Variants in CTDSP2 observed in about 807,000 individuals in gnomAD.
The protein encoded by CTDSP2 is carboxy-terminal domain RNA polymerase II polypeptide A small phosphatase 2.
CTDSP2 carries 9 observed loss-of-function variants against 31.6 expected under a neutral mutation model. That is an observed-to-expected ratio of 0.28 (90% CI 0.17 to 0.50). The LOEUF (loss-of-function observed/expected upper bound fraction) is 0.50. Ranked by LOEUF, CTDSP2 falls within the 20% of genes least tolerant of loss-of-function variation. The probability of loss-of-function intolerance (pLI) is 0.98; values close to 1 mark genes in which losing one functional copy is unlikely to be tolerated. For missense variants in CTDSP2, 267 were observed against 348.5 expected (o/e 0.77, Z 1.86); for synonymous variants, 134 against 134.5 (o/e 1.00, Z 0.03).
rs1956161619 is a variant in CTDSP2, at chr12:57,823,527, C to T, written c.*75G>A. Reference sequence around the variant, plus strand: ...GTGGTGAGGCACTCCAGCTTCTACTCTGTCACGCTGATCGTAAAGGCACAG... The same window carrying T: ...GTGGTGAGGCACTCCAGCTTCTACTTTGTCACGCTGATCGTAAAGGCACAG... On this transcript the variant is annotated 3_prime_UTR_variant, in exon 8 of 8. Transcript: ENST00000398073. 3 of 1,555,480 alleles carry T rather than the reference C, an allele frequency of 1.9e-6. No individual in the cohort carries two copies. Among genetic ancestry groups the T allele is most frequent in the Non-Finnish European group, 2.6e-6 (3 of 1,144,484 alleles).
At chr12:57,826,532 G>A (rs897954143) in intron 4 of CTDSP2, 130 bp from the exon 5 acceptor site, 1 of 792,580 alleles carries the variant, frequency 1.3e-6, no homozygotes, top group Admixed American at 2.2e-5. Context: ...ACCTCATTAA[G>A]GGGTTCTCAC....
At chr12:57,833,845 C>T (rs1452021842) in intron 1 of CTDSP2, among the ~76,000 whole-genome samples, 2 of 152,200 alleles carry the variant, frequency 1.3e-5, no homozygotes, top group African/African-American at 4.8e-5. Context: ...CTTTCTAGGC[C>T]ACCGCCATGT....
At chr12:57,843,631 G>A (rs1257455546) in intron 1 of CTDSP2, among the ~76,000 whole-genome samples, 1 of 152,146 alleles carries the variant, frequency 6.6e-6, no homozygotes, top group Non-Finnish European at 1.5e-5. Flanking sequence ...TTAATAATAA[G>A]TACCTCACAC....
chr12:57,827,150 C>A, intron 3 of CTDSP2, 53 bp from the exon 4 acceptor site: 1 of 1,289,110 alleles, frequency 7.8e-7, no homozygotes, highest in Non-Finnish European at 1.1e-6. Context: ...CCCAATTGTA[C>A]CCCTTGGCAT....
chr12:57,831,384 TG>T (rs1339765978), intron 1 of CTDSP2, among the ~76,000 whole-genome samples: 12 of 151,014 alleles, frequency 7.9e-5, no homozygotes, highest in African/African-American at 2.9e-4. Context: ...ACCCAGGAGG[TG>T]GAAGTCGCAG....
Position 57,820,671 on chromosome 12 carries a change from T to TCCCATGTTAACTGAAGGC in CTDSP2, c.*2913_*2930dup, listed in dbSNP as rs1956139319. 6.6e-6 allele frequency: 1 copy of TCCCATGTTAACTGAAGGC among 152,542 alleles called. No individual in the cohort carries two copies. Among genetic ancestry groups the TCCCATGTTAACTGAAGGC allele is most frequent in the Non-Finnish European group, 1.5e-5 (1 of 68,030 alleles). The allele number at this position is 152,542 out of a possible 1,614,324, so 9.4% of individuals were successfully genotyped here. On this transcript the variant is annotated 3_prime_UTR_variant, in exon 8 of 8. Transcript: ENST00000398073. ...AAGCAAGAGGAAGCTAAACAGAAGG[T>TCCCATGTTAACTGAAGGC]CCCATGTTAACTGAAGGCAAATTCA...
intron 1 of CTDSP2, among the ~76,000 whole-genome samples, chr12:57,841,506 G>T (rs995271677): frequency 2.6e-5 from 4 of 152,194 alleles, no homozygotes; most frequent in African/African-American, 9.7e-5. Flanking sequence ...ACTCACAGGG[G>T]GCACATGCCT....
chr12:57,827,570 G>A lies in CTDSP2; in HGVS notation c.234C>T (p.Leu78=). Residue 78 remains leucine, a synonymous_variant, in exon 3 of 8, where the codon CTC becomes CTT. Coordinates refer to ENST00000398073, the MANE Select transcript of CTDSP2 (RefSeq NM_005730.4). ...CACGTACCTGGTAGAACTGGTACTG[G>A]AGACACTGGAGCAGATCCGACTGAG... The part of the protein sequence containing the change: ...TIAKSDLLQC[L]QYQFYQIPGT... The A allele has an allele frequency of 6.2e-7, 1 of 1,614,100 alleles. No homozygotes were observed.
rs779294412 is a variant in CTDSP2 at position 57,829,581 on chromosome 12, G to A, written c.80C>T (p.Ser27Phe). 21 of 1,614,142 alleles carry A rather than the reference G, an allele frequency of 1.3e-5. No individual in the cohort carries two copies. The highest frequency in any genetic ancestry group is 1.8e-5 in the Non-Finnish European group (21 of 1,180,000). The stretch of plus-strand genomic sequence containing the variant: ...ACGTCCACGAGGCTTCTTAGGAGAG[G>A]ACTTGGAGACCAGGCCTAGGGTGGA... ...VLTKQGLVSKSSPKKPRGRNI... is the reference protein window; with the variant it reads ...VLTKQGLVSKFSPKKPRGRNI... The change falls in exon 2 of 8, where the codon TCC becomes TTC. Residue 27 changes from serine (S) to phenylalanine (F), a missense_variant. Ser to Phe is a radical substitution (Grantham distance 155). Around this residue, in one of 2 missense-constraint regions of CTDSP2, gnomAD observed 111 missense variants for 107.1 expected, o/e 1.04. Coordinates refer to ENST00000398073, the MANE Select transcript of CTDSP2 (RefSeq NM_005730.4).
intron 1 of CTDSP2, among the ~76,000 whole-genome samples, chr12:57,843,346 TAC>T (rs1269514516): frequency 6.6e-6 from 1 of 152,216 alleles, no homozygotes; most frequent in Non-Finnish European, 1.5e-5. Context: ...TTTTTGATGT[TAC>T]ACACAATCCT....
chr12:57,823,716 C>T lies in CTDSP2; in HGVS notation c.702G>A (p.Gln234=), dbSNP rs1196332432. The T allele has an allele frequency of 6.2e-7, 1 of 1,613,916 alleles. No homozygotes were observed. The highest frequency in any genetic ancestry group is 1.3e-5 in the African/African-American group (1 of 74,930). The part of the protein sequence containing the change: ...IFHPENAVPV[Q]SWFDDMADTE... ...TGTCTGCCATGTCATCAAACCAGGA[C>T]TGCACAGGCACCTGGTGGGGGGAAG... The change falls in exon 8 of 8, where the codon CAG becomes CAA. Residue 234 remains glutamine, a synonymous_variant. Transcript: ENST00000398073.
chr12:57,825,733 C>T (rs1256373315), intron 5 of CTDSP2, among the ~76,000 whole-genome samples: 2 of 152,198 alleles, frequency 1.3e-5, no homozygotes, highest in Non-Finnish European at 2.9e-5. Flanking sequence ...TTTACATTGA[C>T]AGACACACAC....
intron 1 of CTDSP2, among the ~76,000 whole-genome samples, chr12:57,834,115 T>C (rs1475517315): frequency 6.6e-6 from 1 of 152,184 alleles, no homozygotes; most frequent in Non-Finnish European, 1.5e-5. Flanking sequence ...ACACATTTAC[T>C]TATGCAACAA....
At chr12:57,836,661 T>G (rs866601543) in intron 1 of CTDSP2, among the ~76,000 whole-genome samples, 3 of 151,692 alleles carry the variant, frequency 2.0e-5, no homozygotes, top group Non-Finnish European at 4.4e-5. Context: ...AAAGTGTACA[T>G]GTACAAACAC....
At chr12:57,825,016 CTTTA>C (rs1311611829) in intron 5 of CTDSP2, among the ~76,000 whole-genome samples, 1 of 129,568 alleles carries the variant, frequency 7.7e-6, no homozygotes, top group Non-Finnish European at 1.8e-5. Flanking sequence ...TTTTTCTTTT[CTTTA>C]TTTACTTATT....
chr12:57,839,486 A>G (rs1956268277), intron 1 of CTDSP2, among the ~76,000 whole-genome samples: 1 of 152,232 alleles, frequency 6.6e-6, no homozygotes. Flanking sequence ...TGGGAGGCCA[A>G]GGCGGGCGGA....
intron 1 of CTDSP2, 105 bp downstream of exon 1, chr12:57,846,267 G>A: frequency 9.4e-7 from 1 of 1,059,368 alleles, no homozygotes; most frequent in African/African-American, 1.7e-5. Flanking sequence ...CGGGATCGCT[G>A]GCTCTAAGCC....
rs970734795 is a variant in CTDSP2 at position 57,846,504 on chromosome 12, G to A, written c.-69C>T. 4 of 1,354,110 alleles carry A rather than the reference G, an allele frequency of 3.0e-6. No homozygotes were observed. In the African/African-American group the frequency reaches 6.2e-5, roughly 21 times the overall value. 83.9% of individuals were successfully genotyped at this position (1,354,110 alleles called of 1,614,324 possible). On this transcript the variant is annotated 5_prime_UTR_variant, in exon 1 of 8. Transcript: ENST00000398073. ...CGGGCGCGCGGGCTGGGCTGGGCTG[G>A]GGGGCCTGGGCGGGGGCCCGCTCCG... is the stretch of plus-strand genomic sequence containing the variant.
At chr12:57,824,400 G>T in intron 5 of CTDSP2, 81 bp from the exon 6 acceptor site, 2 of 1,034,060 alleles carry the variant, frequency 1.9e-6, no homozygotes, top group Non-Finnish European at 3.0e-6. Context: ...CAGTTACACA[G>T]CAGCAAGGAG....
Sources: gnomAD v4.1 joint callset for allele counts (sites outside exome capture counted in the v4.1 genomes callset) on GRCh38, gnomAD v4.1.1 for gene constraint, gnomAD v4.1.1 regional missense constraint, MANE v1.5 for transcripts, NCBI Gene and HGNC (gene_info 2026-07-23, HGNC 2026-07-21) for gene names.